PARD3: variants seen among roughly 807,000 people sequenced by gnomAD.
PARD3 encodes par-3 family cell polarity regulator.
A neutral mutation model predicts 155.4 loss-of-function variants in PARD3; 75 were observed. The ratio of observed to expected loss-of-function variants is 0.48; its 90% CI spans 0.40 to 0.58. The LOEUF (loss-of-function observed/expected upper bound fraction) is 0.58. PARD3 is among the 20% of genes least tolerant of loss of function. PARD3 has a pLI of 0.00. For missense variants in PARD3, 1,642 were observed against 1,721.7 expected (o/e 0.95, Z 0.82); for synonymous variants, 576 against 610.5 (o/e 0.94, Z 0.83).
chr10:34,307,849 G>A (rs934533887), intron 20 of PARD3, among the ~76,000 whole-genome samples: 2 of 152,160 alleles, frequency 1.3e-5, no homozygotes, highest in African/African-American at 4.8e-5. Context: ...CTCTGTCAAT[G>A]TCAATGTATA....
intron 2 of PARD3, among the ~76,000 whole-genome samples, chr10:34,577,512 C>G (rs1172763665): frequency 6.6e-6 from 1 of 152,210 alleles, no homozygotes; most frequent in Non-Finnish European, 1.5e-5. Context: ...CCGCTGGACA[C>G]TCAGCTGAAG....
At chr10:34,448,383 G>A (rs1236130055) in intron 5 of PARD3, among the ~76,000 whole-genome samples, 1 of 150,794 alleles carries the variant, frequency 6.6e-6, no homozygotes, top group Admixed American at 6.6e-5. Flanking sequence ...ACCACAGGGA[G>A]TTGGGTGTGG....
chr10:34,616,964 A>C (rs2091299385), intron 2 of PARD3, among the ~76,000 whole-genome samples: 1 of 151,686 alleles, frequency 6.6e-6, no homozygotes, highest in Non-Finnish European at 1.5e-5. Flanking sequence ...TAAATTAAAA[A>C]GTTGATCTTG....
intron 1 of PARD3, among the ~76,000 whole-genome samples, chr10:34,763,635 A>G (rs182422483): frequency 1.1e-3 from 170 of 152,302 alleles, no homozygotes; most frequent in African/African-American, 4.0e-3. Flanking sequence ...AGGCCAAAGC[A>G]ATCTTCATCT....
At chr10:34,666,803 A>ATATATATATATG (rs1460442680) in intron 2 of PARD3, among the ~76,000 whole-genome samples, 5 of 104,888 alleles carry the variant, frequency 4.8e-5, no homozygotes, top group Admixed American at 3.7e-4. Flanking sequence ...AAAAATATAT[A>ATATATATATATG]TATATATATA....
At chr10:34,423,021 G>A (rs2075401725) in intron 5 of PARD3, among the ~76,000 whole-genome samples, 2 of 152,118 alleles carry the variant, frequency 1.3e-5, no homozygotes, top group Non-Finnish European at 2.9e-5. Context: ...CGAAGACATG[G>A]AATCAACCTA....
At chr10:34,228,221 G>A (rs1015700268) in intron 22 of PARD3, among the ~76,000 whole-genome samples, 2 of 151,838 alleles carry the variant, frequency 1.3e-5, no homozygotes, top group Admixed American at 1.3e-4. Context: ...AGTACACATG[G>A]ACACAAAGAG....
intron 2 of PARD3, among the ~76,000 whole-genome samples, chr10:34,657,965 T>C (rs1370001915): frequency 2.6e-5 from 4 of 152,010 alleles, no homozygotes; most frequent in Non-Finnish European, 4.4e-5. Context: ...GCTAACACAG[T>C]GAAACCCTGT....
intron 1 of PARD3, among the ~76,000 whole-genome samples, chr10:34,727,437 A>AG (rs2094734600): frequency 6.6e-6 from 1 of 152,246 alleles, no homozygotes; most frequent in Non-Finnish European, 1.5e-5. Flanking sequence ...CAAGCCTCAT[A>AG]GGACCCAAAG....
intron 22 of PARD3, among the ~76,000 whole-genome samples, chr10:34,156,179 C>T (rs538340765): frequency 2.1e-4 from 32 of 152,172 alleles, no homozygotes; most frequent in Non-Finnish European, 3.7e-4. Context: ...GCTATCATAG[C>T]TCACTGTAAC....
At chr10:34,715,866 A>T in intron 1 of PARD3, among the ~76,000 whole-genome samples, 1 of 152,302 alleles carries the variant, frequency 6.6e-6, no homozygotes, top group East Asian at 1.9e-4. Flanking sequence ...TCACACCACA[A>T]AACATTCACT....
At chr10:34,711,137 G>T (rs903897212) in intron 1 of PARD3, among the ~76,000 whole-genome samples, 1 of 152,012 alleles carries the variant, frequency 6.6e-6, no homozygotes, top group African/African-American at 2.4e-5. Flanking sequence ...AGATTGCATT[G>T]CCACACTCCA....
intron 1 of PARD3, among the ~76,000 whole-genome samples, chr10:34,719,254 T>G (rs1459544582): frequency 6.6e-6 from 1 of 152,228 alleles, no homozygotes; most frequent in Non-Finnish European, 1.5e-5. Flanking sequence ...TAAAGCAATG[T>G]AATATACCAC....
intron 2 of PARD3, among the ~76,000 whole-genome samples, chr10:34,672,163 GT>G (rs1404667242): frequency 1.3e-5 from 2 of 151,968 alleles, no homozygotes; most frequent in Non-Finnish European, 2.9e-5. Flanking sequence ...GGAGGATTCT[GT>G]TTTTTCAAAA....
chr10:34,382,926 G>T lies in PARD3; in HGVS notation c.1017-4C>A. ...TTGGCGAAACATATGTTGTGCTCTG[G>T]GTTTGAGAAAGAATAGAAAATTAGC... is the stretch of plus-strand genomic sequence containing the variant. On this transcript the variant is annotated splice_polypyrimidine_tract_variant and splice_region_variant and intron_variant, in intron 8 of 24. Coordinates refer to ENST00000374788, the MANE Select transcript of PARD3 (RefSeq NM_001184785.2). The T allele has an allele frequency of 6.2e-7, 1 of 1,611,632 alleles. No homozygotes were observed. Among genetic ancestry groups the T allele is most frequent in the Non-Finnish European group, 8.5e-7 (1 of 1,179,342 alleles).
chr10:34,602,620 AAC>A (rs138181990), intron 2 of PARD3, among the ~76,000 whole-genome samples: 253 of 152,356 alleles, frequency 1.7e-3, no homozygotes, highest in African/African-American at 5.7e-3. Flanking sequence ...TACACTCAAC[AAC>A]ACAGATGAAT....
chr10:34,278,793 A>G (rs1030154417), intron 21 of PARD3, among the ~76,000 whole-genome samples: 3 of 152,186 alleles, frequency 2.0e-5, no homozygotes, highest in Admixed American at 2.0e-4. Context: ...CAGCATGAGA[A>G]CAGACTAATA....
chr10:34,418,796 G>A (rs771790870), intron 5 of PARD3, among the ~76,000 whole-genome samples: 4 of 151,690 alleles, frequency 2.6e-5, no homozygotes, highest in Non-Finnish European at 5.9e-5. Context: ...TTGGAGACAG[G>A]GTCTTTCTCT....
At chr10:34,682,290 A>C (rs2093857594) in intron 2 of PARD3, among the ~76,000 whole-genome samples, 1 of 146,324 alleles carries the variant, frequency 6.8e-6, no homozygotes. Flanking sequence ...GTGGTAGTGC[A>C]CGCCTGTAAT....
Sources: gnomAD v4.1 joint callset for allele counts (sites outside exome capture counted in the v4.1 genomes callset) on GRCh38, gnomAD v4.1.1 for gene constraint, MANE v1.5 for transcripts, NCBI Gene and HGNC (gene_info 2026-07-23, HGNC 2026-07-21) for gene names.